Variants in NR6A1 observed in about 807,000 individuals in gnomAD.
NR6A1 encodes nuclear receptor subfamily 6 group A member 1, also known as retinoic acid receptor-related testis-associated receptor.
Under a neutral mutation model 59.1 loss-of-function variants are expected in NR6A1, and 7 were observed. That is an observed-to-expected ratio of 0.12 (90% CI 0.07 to 0.22). The LOEUF (loss-of-function observed/expected upper bound fraction) is 0.22, where lower values mean the gene tolerates loss of function less well. Among genes scored for constraint, NR6A1 ranks in the 10% least tolerant of loss-of-function variants. NR6A1 has a pLI of 1.00. For synonymous variants in NR6A1, 243 were observed against 236.1 expected (o/e 1.03, Z -0.27); for missense variants, 468 against 611.6 (o/e 0.77, Z 2.48).
At chr9:124,694,936 T>C (rs1455544641) in intron 2 of NR6A1, among the ~76,000 whole-genome samples, 2 of 152,186 alleles carry the variant, frequency 1.3e-5, no homozygotes, top group African/African-American at 2.4e-5. Flanking sequence ...CAAGCCAGTG[T>C]TTCCCAAACT....
At chr9:124,759,771 T>G (rs1050710523) in intron 1 of NR6A1, among the ~76,000 whole-genome samples, 2 of 152,304 alleles carry the variant, frequency 1.3e-5, no homozygotes, top group African/African-American at 4.8e-5. Context: ...CCAGGGGCTG[T>G]GGCTCACAGT....
At chr9:124,705,190 G>T (rs1032681500) in intron 2 of NR6A1, among the ~76,000 whole-genome samples, 1 of 152,174 alleles carries the variant, frequency 6.6e-6, no homozygotes, top group African/African-American at 2.4e-5. Context: ...TTCAATAAAT[G>T]AGTTCTGTCA....
intron 1 of NR6A1, among the ~76,000 whole-genome samples, chr9:124,745,540 G>GC (rs1404825531): frequency 1.3e-5 from 2 of 151,770 alleles, no homozygotes; most frequent in Admixed American, 6.6e-5. Context: ...GCATGGTGGC[G>GC]CATGCCTGTA....
At chr9:124,706,241 T>C (rs2131060443) in intron 2 of NR6A1, among the ~76,000 whole-genome samples, 1 of 152,342 alleles carries the variant, frequency 6.6e-6, no homozygotes, top group African/African-American at 2.4e-5. Context: ...CCATATATGT[T>C]ATAACTTAGT....
chr9:124,585,436 C>T (rs530559353), intron 2 of NR6A1, among the ~76,000 whole-genome samples: 46 of 150,782 alleles, frequency 3.1e-4, no homozygotes, highest in African/African-American at 1.0e-3. Flanking sequence ...CCCAGCTACT[C>T]GGGAGGCTAA....
intron 2 of NR6A1, chr9:124,595,693 TA>T: frequency 1.0e-6 from 1 of 959,400 alleles, no homozygotes; most frequent in Non-Finnish European, 1.5e-6. Context: ...CTATTTGCTC[TA>T]AACCTTCAAA....
At chr9:124,731,228 G>T (rs952891702) in intron 2 of NR6A1, among the ~76,000 whole-genome samples, 2 of 152,008 alleles carry the variant, frequency 1.3e-5, no homozygotes, top group African/African-American at 2.4e-5. Flanking sequence ...AAATTAGCCA[G>T]CCATGGTTGC....
chr9:124,534,571 T>A (rs1833197540), intron 7 of NR6A1, among the ~76,000 whole-genome samples: 1 of 152,160 alleles, frequency 6.6e-6, no homozygotes, highest in Non-Finnish European at 1.5e-5. Flanking sequence ...ACTGGACAGC[T>A]GGGATAAAAT....
At chr9:124,597,403 G>A (rs1835302626) in intron 2 of NR6A1, among the ~76,000 whole-genome samples, 2 of 151,844 alleles carry the variant, frequency 1.3e-5, no homozygotes, top group African/African-American at 4.8e-5. Context: ...GGAAGGGGAA[G>A]GTCCACTAGC....
At chr9:124,612,308 T>C (rs1835771289) in intron 2 of NR6A1, among the ~76,000 whole-genome samples, 1 of 152,080 alleles carries the variant, frequency 6.6e-6, no homozygotes, top group Admixed American at 6.5e-5. Flanking sequence ...AGACAAGACT[T>C]ATGCAGACCC....
intron 1 of NR6A1, among the ~76,000 whole-genome samples, chr9:124,765,165 T>C (rs932499687): frequency 1.3e-5 from 2 of 152,220 alleles, no homozygotes; most frequent in African/African-American, 4.8e-5. Context: ...TAAGAATCCG[T>C]GATTCTGTAT....
chr9:124,600,820 G>T (rs1232189004), intron 2 of NR6A1, among the ~76,000 whole-genome samples: 1 of 152,180 alleles, frequency 6.6e-6, no homozygotes, highest in Non-Finnish European at 1.5e-5. Context: ...GCTGAACCTT[G>T]AAGTTCCACA....
chr9:124,524,642 GA>G (rs1832881254), intron 9 of NR6A1, 78 bp downstream of exon 9: 3 of 1,531,130 alleles, frequency 2.0e-6, no homozygotes, highest in Non-Finnish European at 2.7e-6. Flanking sequence ...AGAGCACCCT[GA>G]AAACACTGCT....
chr9:124,599,148 A>G (rs901587672), intron 2 of NR6A1: 6 of 628,268 alleles, frequency 9.6e-6, no homozygotes, highest in African/African-American at 5.5e-5. Flanking sequence ...CCCATTTTAA[A>G]AAGTTCCTCT....
intron 2 of NR6A1, among the ~76,000 whole-genome samples, chr9:124,707,554 G>A (rs761030921): frequency 2.4e-4 from 35 of 147,808 alleles, no homozygotes; most frequent in Non-Finnish European, 3.9e-4. Flanking sequence ...GTCAAACTTT[G>A]TTTCTCTACA....
intron 2 of NR6A1, among the ~76,000 whole-genome samples, chr9:124,726,381 A>C (rs559780852): frequency 1.3e-5 from 2 of 152,166 alleles, no homozygotes; most frequent in Non-Finnish European, 2.9e-5. Flanking sequence ...TTTTGCTGGT[A>C]AGTTCATCGG....
chr9:124,582,580 A>G (rs192537824), intron 2 of NR6A1, among the ~76,000 whole-genome samples: 21 of 142,112 alleles, frequency 1.5e-4, no homozygotes, highest in African/African-American at 5.5e-4. Context: ...CTTAAAAGTT[A>G]AAAAAAAAAA....
chr9:124,731,413 C>A (rs1340630096), intron 2 of NR6A1, among the ~76,000 whole-genome samples: 1 of 150,848 alleles, frequency 6.6e-6, no homozygotes, highest in African/African-American at 2.4e-5. Flanking sequence ...AGAAAAATAA[C>A]TGAATTTATC....
intron 1 of NR6A1, among the ~76,000 whole-genome samples, chr9:124,743,978 G>C (rs1291536616): frequency 6.6e-6 from 1 of 152,230 alleles, no homozygotes; most frequent in African/African-American, 2.4e-5. Context: ...TGTAATCTCA[G>C]AACTCTGGGA....
Sources: gnomAD v4.1 joint callset for allele counts (sites outside exome capture counted in the v4.1 genomes callset) on GRCh38, gnomAD v4.1.1 for gene constraint, MANE v1.5 for transcripts, NCBI Gene and HGNC (gene_info 2026-07-23, HGNC 2026-07-21) for gene names.